FAM185A: variants seen among roughly 807,000 people sequenced by gnomAD.
FAM185A encodes the protein family with sequence similarity 185 member A, also known as protein FAM185A.
Under a neutral mutation model 45.7 loss-of-function variants are expected in FAM185A, and 21 were observed. The observed-to-expected ratio is 0.46, with a 90% CI of 0.33 to 0.66. FAM185A has a LOEUF of 0.66. Among genes scored for constraint, FAM185A ranks in the 30% least tolerant of loss-of-function variants. The pLI is 0.03. For synonymous variants in FAM185A, 117 were observed against 194.0 expected (o/e 0.60, Z 3.30); for missense variants, 305 against 485.4 (o/e 0.63, Z 3.49).
At chr7:102,843,398 G>A in the FAM185A span, among the ~76,000 whole-genome samples, 2,134 of 152,052 alleles carry the variant, frequency 0.014, 119 homozygotes, top group East Asian at 0.16. Context: ...AGCCAACATC[G>A]CACCACTCCA....
intron 2 of FAM185A, among the ~76,000 whole-genome samples, chr7:102,752,420 C>T (rs1793419395): frequency 6.6e-6 from 1 of 151,960 alleles, no homozygotes; most frequent in African/African-American, 2.4e-5. Context: ...TACAGGCATG[C>T]ACCACCACAC....
In FAM185A at chr7:102,749,298, T is replaced by C. The variant is rs1793183966; in HGVS notation, c.91T>C (p.Cys31Arg). The C allele has an allele frequency of 6.5e-7, 1 of 1,549,762 alleles. No individual in the cohort carries two copies. Among genetic ancestry groups the C allele is most frequent in the Non-Finnish European group, 8.7e-7 (1 of 1,146,758 alleles). Residue 31 changes from cysteine to arginine, a missense_variant, in exon 1 of 8, where the codon TGC (cysteine) becomes CGC (arginine). This residue lies in a region of FAM185A where 174 missense variants were observed against 247.1 expected (regional missense o/e 0.70). Transcript: ENST00000413034. ...GTGGGCTGGCGCTGGGCGCTGGGCT[T>C]GCTGGGCTTGCCAAGCCAGGCCGTA... The part of the protein sequence containing the change: ...RLWAGAGRWA[C>R]WACQARPYSS...
intron 2 of FAM185A, among the ~76,000 whole-genome samples, chr7:102,752,744 G>A (rs1257330224): frequency 6.8e-6 from 1 of 146,150 alleles, no homozygotes; most frequent in Non-Finnish European, 1.5e-5. Flanking sequence ...ATTTTTTAAA[G>A]ATTAGACTGG....
chr7:102,808,434 C>G lies in FAM185A; in HGVS notation c.*32C>G. The G allele has an allele frequency of 8.0e-7, 1 of 1,247,058 alleles. No homozygotes were observed. The highest frequency in any genetic ancestry group is 1.1e-6 in the Non-Finnish European group (1 of 870,590). 77.2% of individuals were successfully genotyped at this position (1,247,058 alleles called of 1,614,324 possible). On this transcript the variant is annotated 3_prime_UTR_variant, in exon 8 of 8. Coordinates refer to ENST00000413034, the MANE Select transcript of FAM185A (RefSeq NM_001145268.2). ...TTTGAGTTGGATTTATGATTTTTAA[C>G]AATGATTCGCAGATCTGTGACTACA...
intron 7 of FAM185A, among the ~76,000 whole-genome samples, chr7:102,800,352 A>G (rs1390083273): frequency 6.6e-6 from 1 of 152,232 alleles, no homozygotes; most frequent in Non-Finnish European, 1.5e-5. Flanking sequence ...CAACCCCGCG[A>G]AAATCACACT....
At chr7:102,807,630 GAGGTC>G (rs1797198089) in intron 7 of FAM185A, among the ~76,000 whole-genome samples, 2 of 151,940 alleles carry the variant, frequency 1.3e-5, no homozygotes, top group African/African-American at 4.8e-5. Flanking sequence ...ATAAAAAACA[GAGGTC>G]AGGCTTGGTG....
At chr7:102,750,666 A>G (rs540252226) in intron 1 of FAM185A, among the ~76,000 whole-genome samples, 1 of 152,268 alleles carries the variant, frequency 6.6e-6, no homozygotes, top group South Asian at 2.1e-4. Context: ...AGGATTTGGT[A>G]CTATTTGTGG....
chr7:102,777,667 T>C (rs566221176), intron 6 of FAM185A, among the ~76,000 whole-genome samples: 12 of 152,284 alleles, frequency 7.9e-5, no homozygotes, highest in Non-Finnish European at 1.6e-4. Flanking sequence ...GAATAATCTT[T>C]GAAGGAAAAA....
chr7:102,763,671 T>C (rs1229904882), intron 4 of FAM185A, among the ~76,000 whole-genome samples: 2 of 152,240 alleles, frequency 1.3e-5, no homozygotes, highest in East Asian at 1.9e-4. Flanking sequence ...GACTCCTTTT[T>C]GCTAGGTAAT....
intron 5 of FAM185A, among the ~76,000 whole-genome samples, 172 bp downstream of exon 5, chr7:102,772,622 G>A (rs931972698): frequency 1.3e-5 from 2 of 151,498 alleles, no homozygotes; most frequent in East Asian, 1.9e-4. Flanking sequence ...GAAGAAAATC[G>A]CCTGAGCTGG....
chr7:102,832,994 CA>C, the FAM185A span: 7 of 1,613,330 alleles, frequency 4.3e-6, no homozygotes, highest in South Asian at 5.5e-5. Flanking sequence ...ATTCCAAGGT[CA>C]AATTTTTTCT....
chr7:102,788,526 T>A (rs1795955700), intron 7 of FAM185A, among the ~76,000 whole-genome samples: 1 of 152,166 alleles, frequency 6.6e-6, no homozygotes, highest in South Asian at 2.1e-4. Flanking sequence ...TTAAAATTCA[T>A]AGAATATTAC....
the FAM185A span, among the ~76,000 whole-genome samples, chr7:102,825,912 T>G: frequency 6.6e-6 from 1 of 152,298 alleles, no homozygotes; most frequent in Admixed American, 6.5e-5. Flanking sequence ...GTTTCCCCAT[T>G]TGTAGAATGG....
chr7:102,782,008 G>T (rs1284568665), intron 6 of FAM185A, among the ~76,000 whole-genome samples: 1 of 152,222 alleles, frequency 6.6e-6, no homozygotes, highest in Non-Finnish European at 1.5e-5. Context: ...TGTGACGAAT[G>T]CACAAGCCTC....
intron 7 of FAM185A, among the ~76,000 whole-genome samples, chr7:102,794,688 T>C (rs1211821239): frequency 5.9e-5 from 9 of 152,354 alleles, no homozygotes; most frequent in Non-Finnish European, 1.3e-4. Flanking sequence ...ATGTAACTTA[T>C]GTTCACACAA....
chr7:102,794,035 C>CAAAAAAAAAAAAAAA (rs765672577), intron 7 of FAM185A, among the ~76,000 whole-genome samples: 1 of 60,608 alleles, frequency 1.6e-5, no homozygotes. Context: ...GACTCTGTCT[C>CAAAAAAAAAAAAAAA]AAAAAAAAAA....
intron 2 of FAM185A, chr7:102,755,779 C>T (rs1793682758): frequency 1.1e-5 from 7 of 633,228 alleles, no homozygotes; most frequent in South Asian, 1.0e-4. Flanking sequence ...GACAAAGGAG[C>T]TTTGGCTAAG....
the FAM185A span, among the ~76,000 whole-genome samples, chr7:102,824,785 CTTT>C: frequency 0.22 from 27,795 of 123,692 alleles, 3,388 homozygotes; most frequent in African/African-American, 0.35. Flanking sequence ...CATGCCCGGC[CTTT>C]TTTTTTTTTT....
At chr7:102,814,803 G>A in the FAM185A span, among the ~76,000 whole-genome samples, 1 of 152,066 alleles carries the variant, frequency 6.6e-6, no homozygotes, top group Non-Finnish European at 1.5e-5. Context: ...ATAATGTTTT[G>A]CATTCTGTTA....
Sources: allele counts gnomAD v4.1 joint callset (sites outside exome capture counted in the v4.1 genomes callset), GRCh38; gene constraint gnomAD v4.1.1; regional missense constraint gnomAD v4.1.1; transcripts MANE v1.5; gene names NCBI Gene and HGNC (gene_info 2026-07-23, HGNC 2026-07-21).